The following KANK1 variants were observed in gnomAD, a reference collection of about 807,000 sequenced individuals.
The protein encoded by KANK1 is KN motif and ankyrin repeat domain-containing protein 1.
In KANK1, 109 loss-of-function variants were observed where a neutral mutation model predicts 106.2. The ratio of observed to expected loss-of-function variants is 1.03; its 90% CI spans 0.88 to 1.20. KANK1 has a LOEUF of 1.20. Among genes scored for constraint, KANK1 ranks in the 50% most tolerant of loss-of-function variants. The pLI, the probability that KANK1 is intolerant of heterozygous loss-of-function variation, is 0.00. For missense variants in KANK1, 2,399 were observed against 1,710.7 expected, an observed-to-expected ratio of 1.40 and a Z score of -7.10; for synonymous variants, 873 against 652.2, an observed-to-expected ratio of 1.34 and a Z score of -5.16.
chr9:607,792 C>A (rs926467832), intron 1 of KANK1, among the ~76,000 whole-genome samples: 5 of 151,476 alleles, frequency 3.3e-5, no homozygotes, highest in African/African-American at 1.2e-4. Context: ...GGTGTGGTAA[C>A]GATTTTAGGC....
In KANK1 at chr9:742,315, G is replaced by T. The variant is rs143880438; in HGVS notation, c.3807G>T (p.Thr1269=). 1.9e-6 allele frequency: 3 copies of T among 1,613,914 alleles called. No individual in the cohort carries two copies. Among genetic ancestry groups the T allele is most frequent in the Admixed American group, 1.7e-5 (1 of 60,022 alleles). The part of the protein sequence containing the change: ...DVNIQDDEGS[T]ALMCASEHGH... Reference sequence around the variant, plus strand: ...ACATCCAGGATGACGAGGGCTCCACGGCCCTCATGTGTGCCAGCGAGCACG... The same window carrying T: ...ACATCCAGGATGACGAGGGCTCCACTGCCCTCATGTGTGCCAGCGAGCACG... The change falls in exon 10 of 12, where the codon ACG becomes ACT. Residue 1269 remains threonine (T), a synonymous_variant. Coordinates refer to ENST00000382297, the MANE Select transcript of KANK1 (RefSeq NM_015158.5).
chr9:741,755 G>A (rs1369254624), intron 9 of KANK1, among the ~76,000 whole-genome samples: 2 of 151,980 alleles, frequency 1.3e-5, no homozygotes, highest in African/African-American at 4.8e-5. Flanking sequence ...CTGAAGTGCT[G>A]GGATTACAGG....
At chr9:494,941 A>G (rs1342737495) in intron 3 of KANK1, among the ~76,000 whole-genome samples, 1 of 152,268 alleles carries the variant, frequency 6.6e-6, no homozygotes, top group Non-Finnish European at 1.5e-5. Flanking sequence ...CTTAAAGTAC[A>G]TAGACCGTGA....
At chr9:721,710 T>C (rs1189527811) in intron 3 of KANK1, among the ~76,000 whole-genome samples, 1 of 152,222 alleles carries the variant, frequency 6.6e-6, no homozygotes, top group Non-Finnish European at 1.5e-5. Flanking sequence ...TTCAGGTTGG[T>C]TCTACAGGGA....
chr9:686,338 C>T (rs1818547601), intron 2 of KANK1, among the ~76,000 whole-genome samples: 1 of 152,314 alleles, frequency 6.6e-6, no homozygotes, highest in East Asian at 1.9e-4. Context: ...TGGCATGTTC[C>T]CCCTCAGCTG....
rs748922006 is a variant in KANK1, at chr9:713,079, G to C, written c.2313G>C (p.Leu771=). ...VGQININDNY[L]VGLKMRTIAC... ...AGATAAATATTAACGACAACTATCT[G>C]GTTGGTCTCAAAATGAGGACTATAG... The change falls in exon 3 of 12, where the codon CTG becomes CTC. Residue 771 remains leucine (L), a synonymous_variant. Transcript: ENST00000382297. 6.2e-7 allele frequency: 1 copy of C among 1,613,712 alleles called. No homozygotes were observed. Among genetic ancestry groups the C allele is most frequent in the Non-Finnish European group, 8.5e-7 (1 of 1,179,708 alleles).
At chr9:492,204 A>T (rs1405118185) in intron 3 of KANK1, 1 of 152,156 alleles carries the variant, frequency 6.6e-6, no homozygotes, top group African/African-American at 2.4e-5. Flanking sequence ...AACTCCACAA[A>T]CCTAACTTCC....
At chr9:733,296 A>G (rs1041600908) in intron 6 of KANK1, 5 of 152,250 alleles carry the variant, frequency 3.3e-5, no homozygotes, top group African/African-American at 1.2e-4. Context: ...TGAAATATAA[A>G]TAGAACATTT....
At position 676,831 on chromosome 9, in the gene KANK1, A is replaced by G. The variant is rs1245406298; in HGVS notation, c.-83-59A>G. The G allele has an allele frequency of 9.7e-6, 6 of 617,696 alleles. No homozygotes were observed. In the African/African-American group the frequency reaches 1.9e-4, roughly 19 times the overall value. 38.3% of individuals were successfully genotyped at this position (617,696 alleles called of 1,614,324 possible). ...TCATCTTTGTAAACAGAAGTCTAAG[A>G]TTTAGTTTGTACATTTTTTAAATGA... On this transcript the variant is annotated intron_variant, in intron 1 of 11. Coordinates refer to ENST00000382297, the MANE Select transcript of KANK1 (RefSeq NM_015158.5).
chr9:540,776 A>G (rs562682421), intron 1 of KANK1: 7 of 152,146 alleles, frequency 4.6e-5, no homozygotes, highest in Non-Finnish European at 8.8e-5. Context: ...GAATTTATCC[A>G]TTTGTTCTAG....
chr9:620,405 AT>A (rs879479788), intron 1 of KANK1, among the ~76,000 whole-genome samples: 15 of 149,856 alleles, frequency 1.0e-4, no homozygotes, highest in South Asian at 2.1e-4. Context: ...GATAATTATA[AT>A]TTTTTTTTTT....
chr9:481,528 G>T (rs1370911102), intron 3 of KANK1, among the ~76,000 whole-genome samples: 5 of 152,332 alleles, frequency 3.3e-5, no homozygotes, highest in African/African-American at 1.2e-4. Flanking sequence ...AGTATTGAAT[G>T]TGGTCTCCAT....
In KANK1 at chr9:742,419, A is replaced by G. The variant is rs1377827052; in HGVS notation, c.3897+14A>G. The G allele has an allele frequency of 5.0e-6, 8 of 1,600,720 alleles. No homozygotes were observed. The highest frequency in any genetic ancestry group is 4.5e-5 in the South Asian group (4 of 89,856). On this transcript the variant is annotated intron_variant, in intron 10 of 11. Transcript: ENST00000382297. ...CTAGAGGACAACGTAAGCTGTCTCCATTGGGCCTCCTGGCCAGGGGTCTGG... is the reference window on the plus strand; with the variant it reads ...CTAGAGGACAACGTAAGCTGTCTCCGTTGGGCCTCCTGGCCAGGGGTCTGG...
Position 485,408 on chromosome 9 carries a change from T to G in KANK1, c.-362+12135T>G, listed in dbSNP as rs139982049. Among the ~76,000 whole-genome samples the G allele has an allele frequency of 2.0e-3, 298 of 152,378 alleles. 2 individuals are homozygous for G. Among genetic ancestry groups the G allele is most frequent in the African/African-American group, 7.0e-3 (292 of 41,594 alleles). On this transcript the variant is annotated intron_variant, in intron 3 of 15. Coordinates refer to the KANK1 transcript ENST00000382303. Reference sequence around the variant, plus strand: ...AAAGTAACCACAAAAATCTGGTTTTTGAATATTTCTATAATCACAAAAAGA... The same window carrying G: ...AAAGTAACCACAAAAATCTGGTTTTGGAATATTTCTATAATCACAAAAAGA...
intron 1 of KANK1, among the ~76,000 whole-genome samples, chr9:608,989 C>T (rs1829972110): frequency 6.6e-6 from 1 of 152,136 alleles, no homozygotes; most frequent in Admixed American, 6.5e-5. Flanking sequence ...TTCGGGGTCA[C>T]TGCTGATATC....
intron 1 of KANK1, among the ~76,000 whole-genome samples, chr9:517,312 C>T (rs1284634047): frequency 1.3e-5 from 2 of 151,610 alleles, no homozygotes; most frequent in Non-Finnish European, 2.9e-5. Context: ...CCATGTTGGC[C>T]AGGATGGTCT....
At chr9:581,387 A>G (rs895948917) in intron 1 of KANK1, among the ~76,000 whole-genome samples, 3 of 152,226 alleles carry the variant, frequency 2.0e-5, no homozygotes, top group South Asian at 2.1e-4. Flanking sequence ...AAATGCTTGC[A>G]TGATACAAGA....
At chr9:545,680 C>T (rs9299012) in intron 1 of KANK1, among the ~76,000 whole-genome samples, 1 of 148,696 alleles carries the variant, frequency 6.7e-6, no homozygotes, top group Non-Finnish European at 1.5e-5. Context: ...TTCATGGCAG[C>T]GTGACAGCAT....
chr9:711,427 G>A lies in KANK1; in HGVS notation c.661G>A (p.Asp221Asn), dbSNP rs772106499. The change falls in exon 3 of 12, where the codon GAT becomes AAT. Residue 221 changes from aspartate to asparagine, a missense_variant. Transcript: ENST00000382297. ...QLQNGYQGNGDYGSYAPAAPT... is the reference protein window; with the variant it reads ...QLQNGYQGNGNYGSYAPAAPT... Reference sequence around the variant, plus strand: ...TCAGAATGGATACCAAGGTAATGGGGATTATGGTAGCTATGCCCCAGCTGC... The same window carrying A: ...TCAGAATGGATACCAAGGTAATGGGAATTATGGTAGCTATGCCCCAGCTGC... 3 of 1,614,176 alleles carry A rather than the reference G, an allele frequency of 1.9e-6. No individual in the cohort carries two copies. Among genetic ancestry groups the A allele is most frequent in the Non-Finnish European group, 2.5e-6 (3 of 1,180,034 alleles).
Sources: allele counts gnomAD v4.1 joint callset (sites outside exome capture counted in the v4.1 genomes callset), GRCh38; gene constraint gnomAD v4.1.1; transcripts MANE v1.5; gene names NCBI Gene and HGNC (gene_info 2026-07-23, HGNC 2026-07-21).